The following THSD7B variants were observed in gnomAD, a reference collection of about 807,000 sequenced individuals.
The protein encoded by THSD7B is thrombospondin type 1 domain containing 7B, also known as thrombospondin type-1 domain-containing protein 7B.
Under a neutral mutation model 213.6 loss-of-function variants are expected in THSD7B, and 138 were observed. The observed-to-expected ratio is 0.65, with a 90% CI of 0.56 to 0.74. The LOEUF (loss-of-function observed/expected upper bound fraction) is 0.74. THSD7B is among the 30% of genes least tolerant of loss of function. The pLI is 0.00. For synonymous variants in THSD7B, 742 were observed against 687.0 expected (o/e 1.08, Z -1.25); for missense variants, 1,931 against 1,991.5 (o/e 0.97, Z 0.58).
At position 137,657,237 on chromosome 2, in the gene THSD7B, C is replaced by T. The variant is rs1050260314; in HGVS notation, c.4375+77C>T. The T allele has an allele frequency of 5.7e-6, 8 of 1,393,586 alleles. No homozygotes were observed. In the Admixed American group the frequency reaches 6.9e-5, roughly 12 times the overall value. The allele number at this position is 1,393,586 out of a possible 1,614,324, so 86.3% of individuals were successfully genotyped here. On this transcript the variant is annotated intron_variant, in intron 24 of 27. Transcript: ENST00000409968. Reference sequence around the variant, plus strand: ...GTTATTTGTGAGAAGAATTAGCTTACAAATTATAAACAAGGGGTGACTTGG... The same window carrying T: ...GTTATTTGTGAGAAGAATTAGCTTATAAATTATAAACAAGGGGTGACTTGG...
chr2:137,560,729 A>G (rs1253067681), intron 15 of THSD7B, among the ~76,000 whole-genome samples: 1 of 152,074 alleles, frequency 6.6e-6, no homozygotes, highest in Non-Finnish European at 1.5e-5. Flanking sequence ...ATATATATAT[A>G]AAGAAATGCT....
intron 2 of THSD7B, among the ~76,000 whole-genome samples, chr2:136,964,198 T>C (rs1007085247): frequency 2.0e-5 from 3 of 152,228 alleles, no homozygotes; most frequent in African/African-American, 7.2e-5. Context: ...TCTTAAATCT[T>C]CAGCAGACTC....
In THSD7B at chr2:137,132,497, A is replaced by G. The variant is rs540144545; in HGVS notation, c.1369+17204A>G. Reference sequence around the variant, plus strand: ...ACTTTCTTATGTGAGTTCACATTACATATTATCAATATATTAACTGTGCCC... The same window carrying G: ...ACTTTCTTATGTGAGTTCACATTACGTATTATCAATATATTAACTGTGCCC... On this transcript the variant is annotated intron_variant, in intron 5 of 27. Coordinates refer to ENST00000409968, the MANE Select transcript of THSD7B (RefSeq NM_001316349.2). 2.6e-5 allele frequency among the ~76,000 whole-genome samples: 4 copies of G among 152,286 alleles called. No individual in the cohort carries two copies. In the East Asian group the frequency reaches 7.7e-4, roughly 29 times the overall value.
chr2:137,585,524 T>C (rs1440081272), intron 17 of THSD7B, among the ~76,000 whole-genome samples: 2 of 152,288 alleles, frequency 1.3e-5, no homozygotes, highest in African/African-American at 4.8e-5. Flanking sequence ...GTCCCAGAGA[T>C]TCTGGTATGT....
chr2:137,071,776 A>T (rs1365502403), intron 3 of THSD7B, among the ~76,000 whole-genome samples: 1 of 152,142 alleles, frequency 6.6e-6, no homozygotes, highest in Admixed American at 6.5e-5. Context: ...TCTTGAATTA[A>T]TTTTTGTATA....
rs1240701987 is a variant in THSD7B, at chr2:136,996,305, C to CT, written c.140-60115_140-60114insT. Among the ~76,000 whole-genome samples the CT allele has an allele frequency of 2.0e-4, 31 of 152,228 alleles. No individual in the cohort carries two copies. In the East Asian group the frequency reaches 5.4e-3, roughly 27 times the overall value. Reference sequence around the variant, plus strand: ...AAGTCAGACTGGTCTCTCTCTCTGTCCCTGTCTCTTTCTTTCTTTCTTTTT... The same window carrying CT: ...AAGTCAGACTGGTCTCTCTCTCTGTCTCCTGTCTCTTTCTTTCTTTCTTTTT... On this transcript the variant is annotated intron_variant, in intron 2 of 27. Transcript: ENST00000409968.
chr2:137,655,507 G>C lies in THSD7B; in HGVS notation c.3952G>C (p.Asp1318His), dbSNP rs1399420692. 1 of 1,611,238 alleles carries C rather than the reference G, an allele frequency of 6.2e-7. No individual in the cohort carries two copies. The highest frequency in any genetic ancestry group is 1.7e-5 in the Admixed American group (1 of 59,682). ...NWSACKLEGG[D>H]CGEGVQIRSL... ...GTATCCTTTCCTCTCATAGGGTGGA[G>C]ACTGTGGGGAAGGAGTTCAGATCCG... The change falls in exon 22 of 28, where the codon GAC becomes CAC. Residue 1318 changes from aspartate (D) to histidine (H), a missense_variant. Asp to His is a moderately conservative substitution (Grantham distance 81). Coordinates refer to ENST00000409968, the MANE Select transcript of THSD7B (RefSeq NM_001316349.2).
intron 10 of THSD7B, among the ~76,000 whole-genome samples, chr2:137,255,969 G>T (rs1199890945): frequency 6.6e-6 from 1 of 152,062 alleles, no homozygotes; most frequent in East Asian, 1.9e-4. Context: ...TTTGTTTTCA[G>T]TTAAAATGCC....
intron 11 of THSD7B, 36 bp downstream of exon 11, chr2:137,272,698 A>G: frequency 6.9e-6 from 11 of 1,598,068 alleles, no homozygotes; most frequent in Middle Eastern, 1.7e-4. Context: ...CGTTAGACCT[A>G]CTGTAAATTA....
At chr2:137,075,006 G>T (rs1000999643) in intron 3 of THSD7B, among the ~76,000 whole-genome samples, 1 of 152,096 alleles carries the variant, frequency 6.6e-6, no homozygotes, top group African/African-American at 2.4e-5. Flanking sequence ...TTTCTCTCTG[G>T]CTGCTCTTAA....
intron 5 of THSD7B, among the ~76,000 whole-genome samples, chr2:137,131,487 T>G (rs1311502273): frequency 6.6e-6 from 1 of 152,166 alleles, no homozygotes; most frequent in African/African-American, 2.4e-5. Context: ...TGCCTAGGTT[T>G]TCTTCTAGGG....
chr2:137,060,539 G>A (rs1300554617), intron 3 of THSD7B, among the ~76,000 whole-genome samples: 1 of 151,708 alleles, frequency 6.6e-6, no homozygotes, highest in Non-Finnish European at 1.5e-5. Flanking sequence ...TTGGTGAAAG[G>A]TATAGGGTCT....
At chr2:137,673,474 C>T (rs1683624848) in intron 27 of THSD7B, among the ~76,000 whole-genome samples, 1 of 152,166 alleles carries the variant, frequency 6.6e-6, no homozygotes, top group African/African-American at 2.4e-5. Context: ...GCATATGTGC[C>T]AGGCATTTAT....
intron 2 of THSD7B, among the ~76,000 whole-genome samples, chr2:136,961,442 G>A (rs1054378162): frequency 3.3e-5 from 5 of 151,822 alleles, no homozygotes; most frequent in African/African-American, 7.3e-5. Flanking sequence ...GGATGGTCTC[G>A]ATCTCCTGAC....
intron 2 of THSD7B, among the ~76,000 whole-genome samples, chr2:136,909,492 C>T (rs369050916): frequency 7.9e-5 from 12 of 152,154 alleles, no homozygotes; most frequent in Admixed American, 4.6e-4. Flanking sequence ...AGTTTCTTCC[C>T]GCAAAGTTGT....
chr2:137,256,806 G>A (rs1682320823), intron 10 of THSD7B, among the ~76,000 whole-genome samples: 1 of 152,198 alleles, frequency 6.6e-6, no homozygotes, highest in African/African-American at 2.4e-5. Context: ...ATATTTTCTT[G>A]AATAGAAAAG....
chr2:137,529,183 C>G (rs947350402), intron 15 of THSD7B, among the ~76,000 whole-genome samples: 3 of 151,960 alleles, frequency 2.0e-5, no homozygotes, highest in East Asian at 3.9e-4. Context: ...AACTGCCTCT[C>G]CTCTCCCACT....
intron 12 of THSD7B, among the ~76,000 whole-genome samples, chr2:137,303,150 G>A (rs62171153): frequency 0.062 from 9,396 of 152,214 alleles, 544 homozygotes; most frequent in African/African-American, 0.14. Flanking sequence ...CTACAGGCAC[G>A]TGCCACAGCA....
intron 15 of THSD7B, among the ~76,000 whole-genome samples, chr2:137,509,818 A>G (rs971019182): frequency 5.5e-4 from 84 of 152,246 alleles, no homozygotes; most frequent in African/African-American, 1.9e-3. Flanking sequence ...AGAGGCTTAG[A>G]TGTCTGTAAT....
Sources: allele counts gnomAD v4.1 joint callset (sites outside exome capture counted in the v4.1 genomes callset), GRCh38; gene constraint gnomAD v4.1.1; transcripts MANE v1.5; gene names NCBI Gene and HGNC (gene_info 2026-07-23, HGNC 2026-07-21).